Variants in GEMIN5 observed in about 807,000 individuals in gnomAD.
The protein encoded by GEMIN5 is gem nuclear organelle associated protein 5.
In GEMIN5, 124 loss-of-function variants were observed where a neutral mutation model predicts 176.9. That is an observed-to-expected ratio of 0.70 (90% CI 0.61 to 0.81). The LOEUF (loss-of-function observed/expected upper bound fraction) is 0.81, where lower values mean the gene tolerates loss of function less well. Among genes scored for constraint, GEMIN5 ranks in the 40% least tolerant of loss-of-function variants. The probability of loss-of-function intolerance (pLI) is 0.00; values close to 1 mark genes in which losing one functional copy is unlikely to be tolerated. For missense variants in GEMIN5, 1,843 were observed against 1,814.6 expected (o/e 1.02, Z -0.28); for synonymous variants, 673 against 665.2 (o/e 1.01, Z -0.18).
chr5:154,911,918 G>C lies in GEMIN5; in HGVS notation c.1996-20C>G. On this transcript the variant is annotated intron_variant, in intron 14 of 27. Coordinates refer to ENST00000285873, the MANE Select transcript of GEMIN5 (RefSeq NM_015465.5). ...CCACACCTAAACCCAAAAGCACATGGCCGAAAAGACATTTTCTGGTTATTC... is the reference window on the plus strand; with the variant it reads ...CCACACCTAAACCCAAAAGCACATGCCCGAAAAGACATTTTCTGGTTATTC... 1 of 1,603,104 alleles carries C rather than the reference G, an allele frequency of 6.2e-7. No homozygotes were observed. The highest frequency in any genetic ancestry group is 8.5e-7 in the Non-Finnish European group (1 of 1,174,980).
Position 154,892,423 on chromosome 5 carries a change from T to C in GEMIN5, c.3724A>G (p.Ile1242Val), listed in dbSNP as rs142261057. Residue 1242 changes from isoleucine to valine, a missense_variant, in exon 25 of 28, where the codon ATC (isoleucine) becomes GTC (valine). Ile to Val is a conservative substitution (Grantham distance 29). Transcript: ENST00000285873. The stretch of plus-strand genomic sequence containing the variant: ...AAGGCTGAGTACACTTCCTGCATGA[T>C]GGTGAAGCTCCCTGAGTCATAGCTC... ...VRSYDSGSFT[I>V]MQEVYSAFLP... 67 of 1,614,034 alleles carry C rather than the reference T, an allele frequency of 4.2e-5. No individual in the cohort carries two copies. Among genetic ancestry groups the C allele is most frequent in the Non-Finnish European group, 5.3e-5 (62 of 1,180,036 alleles).
chr5:154,914,026 A>ATT (rs1015026878), intron 13 of GEMIN5, among the ~76,000 whole-genome samples: 1 of 145,836 alleles, frequency 6.9e-6, no homozygotes, highest in Non-Finnish European at 1.5e-5. Flanking sequence ...TACACACATA[A>ATT]TTTTTTTTTT....
Position 154,928,445 on chromosome 5 carries a change from T to C in GEMIN5, c.914+82A>G, listed in dbSNP as rs1582674734. 3 of 1,267,656 alleles carry C rather than the reference T, an allele frequency of 2.4e-6. No homozygotes were observed. In the East Asian group the frequency reaches 6.9e-5, roughly 29 times the overall value. The allele number at this position is 1,267,656 out of a possible 1,614,324, so 78.5% of individuals were successfully genotyped here. The stretch of plus-strand genomic sequence containing the variant: ...CCCATCATAATACAAGCCTTGGCCA[T>C]TACTTTCTCCATCCTAGGAGGACTT... On this transcript the variant is annotated intron_variant, in intron 6 of 27. Transcript: ENST00000285873.
Position 154,911,804 on chromosome 5 carries a change from C to T in GEMIN5, c.2090G>A (p.Cys697Tyr). The change falls in exon 15 of 28, where the codon TGC becomes TAC. Residue 697 changes from cysteine (C) to tyrosine (Y), a missense_variant. By Grantham distance (194) the Cys-to-Tyr change is radical. Coordinates refer to ENST00000285873, the MANE Select transcript of GEMIN5 (RefSeq NM_015465.5). ...AAAGTCATCTGCCCCTGAATAGATG[C>T]AGTCTGGATCCAAAGGAGACCATGC... ...CVAWSPLDPDCIYSGADDFCV... is the reference protein window; with the variant it reads ...CVAWSPLDPDYIYSGADDFCV... The T allele has an allele frequency of 6.2e-7, 1 of 1,613,730 alleles. No individual in the cohort carries two copies.
At chr5:154,913,252 G>A (rs1396770194) in intron 13 of GEMIN5, among the ~76,000 whole-genome samples, 2 of 151,892 alleles carry the variant, frequency 1.3e-5, no homozygotes, top group Non-Finnish European at 2.9e-5. Flanking sequence ...TGCAACCTCC[G>A]CCTCCTGGGT....
rs781240544 is a variant in GEMIN5, at chr5:154,891,766, TG to T, written c.3761-25del. Reference sequence around the variant, plus strand: ...GCCTAGGAAAAGAGGAAAAAGATACTGGGTCATGCATTTCTCTAGTTGCCAG... The same window carrying T: ...GCCTAGGAAAAGAGGAAAAAGATACTGGTCATGCATTTCTCTAGTTGCCAG... On this transcript the variant is annotated intron_variant, in intron 25 of 27. Transcript: ENST00000285873. 6.5e-6 allele frequency: 10 copies of T among 1,549,822 alleles called. No individual in the cohort carries two copies. In the Admixed American group the frequency reaches 2.1e-4, roughly 33 times the overall value.
At chr5:154,914,146 G>A (rs1378177588) in intron 13 of GEMIN5, among the ~76,000 whole-genome samples, 1 of 151,990 alleles carries the variant, frequency 6.6e-6, no homozygotes, top group South Asian at 2.1e-4. Flanking sequence ...TCAGCCTCCT[G>A]AGTAGCTGGG....
At chr5:154,935,560 G>A (rs1023750313) in intron 3 of GEMIN5, among the ~76,000 whole-genome samples, 7 of 152,124 alleles carry the variant, frequency 4.6e-5, no homozygotes, top group African/African-American at 1.7e-4. Context: ...TAGAGAAAGC[G>A]AAAAAGGTGA....
intron 6 of GEMIN5, among the ~76,000 whole-genome samples, chr5:154,927,763 A>C (rs531374291): frequency 6.6e-6 from 1 of 152,328 alleles, no homozygotes; most frequent in East Asian, 1.9e-4. Context: ...AGGCCAAGGC[A>C]GGAGGATTGC....
At chr5:154,911,939 T>C in intron 14 of GEMIN5, 41 bp from the exon 15 acceptor site, 2 of 1,564,936 alleles carry the variant, frequency 1.3e-6, no homozygotes, top group Non-Finnish European at 1.7e-6. Flanking sequence ...ATTTTCTGGT[T>C]ATTCTATTGT....
Position 154,921,937 on chromosome 5 carries a change from A to C in GEMIN5, c.1380-512T>G, listed in dbSNP as rs536878161. Among the ~76,000 whole-genome samples, 30 of 152,320 alleles carry C rather than the reference A, an allele frequency of 2.0e-4. 2 individuals carry two copies. The East Asian group carries it at 5.2e-3, about 26-fold the overall frequency. ...GTAATGATATGTGATGTGTCAGTAAAGAATGCTTAACTTTGTAGAAAAAAC... is the reference window on the plus strand; with the variant it reads ...GTAATGATATGTGATGTGTCAGTAACGAATGCTTAACTTTGTAGAAAAAAC... On this transcript the variant is annotated intron_variant, in intron 9 of 27. Coordinates refer to ENST00000285873, the MANE Select transcript of GEMIN5 (RefSeq NM_015465.5).
At chr5:154,903,482 C>T (rs989280338) in intron 18 of GEMIN5, among the ~76,000 whole-genome samples, 1 of 151,820 alleles carries the variant, frequency 6.6e-6, no homozygotes, top group Non-Finnish European at 1.5e-5. Context: ...TCATCCTTTG[C>T]TTCAAAAAAA....
At position 154,924,474 on chromosome 5, in the gene GEMIN5, G is replaced by C. The variant is rs192753545; in HGVS notation, c.1374C>G (p.Ser458=). The C allele has an allele frequency of 1.2e-6, 2 of 1,600,166 alleles. No homozygotes were observed. Among genetic ancestry groups the C allele is most frequent in the East Asian group, 4.5e-5 (2 of 44,728 alleles). ...DGKVGLYDTY[S]NKPPQISSTY... ...AAGAATCACCCATTTCTTACTTGTT[G>C]GAGTAGGTGTCATACAATCCCACTT... The change falls in exon 9 of 28, where the codon TCC becomes TCG. Residue 458 remains serine (S), a synonymous_variant. Transcript: ENST00000285873.
At chr5:154,922,122 AT>A (rs1476300456) in intron 9 of GEMIN5, among the ~76,000 whole-genome samples, 1 of 152,252 alleles carries the variant, frequency 6.6e-6, no homozygotes, top group Non-Finnish European at 1.5e-5. Context: ...TCTAAAAGAA[AT>A]TTATATTTTA....
chr5:154,930,075 T>G (rs1764129757), intron 5 of GEMIN5, among the ~76,000 whole-genome samples: 1 of 152,068 alleles, frequency 6.6e-6, no homozygotes, highest in African/African-American at 2.4e-5. Flanking sequence ...GATTACCTGC[T>G]CCATCCTGAC....
chr5:154,894,691 G>A (rs957460253), intron 24 of GEMIN5, among the ~76,000 whole-genome samples: 1 of 152,134 alleles, frequency 6.6e-6, no homozygotes, highest in South Asian at 2.1e-4. Flanking sequence ...CAAATCACGA[G>A]GTCAGGAGTT....
At chr5:154,903,658 C>CAGACA (rs1250453784) in intron 18 of GEMIN5, among the ~76,000 whole-genome samples, 1 of 151,992 alleles carries the variant, frequency 6.6e-6, no homozygotes, top group Admixed American at 6.6e-5. Context: ...TTATGCAATA[C>CAGACA]AGACAAAACA....
intron 27 of GEMIN5, among the ~76,000 whole-genome samples, chr5:154,888,731 T>C (rs188508749): frequency 3.4e-4 from 52 of 152,382 alleles, no homozygotes; most frequent in Non-Finnish European, 1.3e-4. Context: ...TAAATTTTAC[T>C]TCTTACCTAT....
At chr5:154,905,156 T>G (rs1352131911) in intron 17 of GEMIN5, among the ~76,000 whole-genome samples, 1 of 152,072 alleles carries the variant, frequency 6.6e-6, no homozygotes. Context: ...AGTGTGCCAC[T>G]GCACTCCAGC....
Sources: gnomAD v4.1 joint callset for allele counts (sites outside exome capture counted in the v4.1 genomes callset) on GRCh38, gnomAD v4.1.1 for gene constraint, MANE v1.5 for transcripts, NCBI Gene and HGNC (gene_info 2026-07-23, HGNC 2026-07-21) for gene names.